Variants in CNTN6 observed in about 807,000 individuals in gnomAD.
CNTN6 encodes contactin 6.
CNTN6 carries 137 observed loss-of-function variants against 122.8 expected under a neutral mutation model. The ratio of observed to expected loss-of-function variants is 1.12; its 90% CI spans 0.97 to 1.29. CNTN6 has a LOEUF of 1.29. Among genes scored for constraint, CNTN6 ranks in the 50% most tolerant of loss-of-function variants. CNTN6 has a pLI of 0.00. For synonymous variants in CNTN6, 570 were observed against 426.0 expected (o/e 1.34, Z -4.16); for missense variants, 1,634 against 1,223.4 (o/e 1.34, Z -5.01).
intron 4 of CNTN6, among the ~76,000 whole-genome samples, chr3:1,261,830 T>G (rs1051041862): frequency 6.6e-6 from 1 of 152,150 alleles, no homozygotes; most frequent in African/African-American, 2.4e-5. Context: ...TAATTTTAAT[T>G]TAAAAGGTCA....
At chr3:1,327,653 C>G (rs758612160) in intron 10 of CNTN6, 67 bp downstream of exon 10, 28 of 1,496,858 alleles carry the variant, frequency 1.9e-5, no homozygotes, top group Non-Finnish European at 2.4e-5. Flanking sequence ...TATGCATAAT[C>G]CCAACCCAAT....
At chr3:1,108,073 C>G (rs570287100) in intron 1 of CNTN6, among the ~76,000 whole-genome samples, 1 of 151,926 alleles carries the variant, frequency 6.6e-6, no homozygotes, top group Admixed American at 6.6e-5. Flanking sequence ...ATCTACATCC[C>G]GTTTTCAATT....
rs2093227648 is a variant in CNTN6 at position 1,165,528 on chromosome 3, T to C, written c.55+17465T>C. Among the ~76,000 whole-genome samples, 3 of 152,082 alleles carry C rather than the reference T, an allele frequency of 2.0e-5. No homozygotes were observed. The South Asian group carries it at 6.2e-4, about 32-fold the overall frequency. On this transcript the variant is annotated intron_variant, in intron 2 of 22. Coordinates refer to ENST00000446702, the MANE Select transcript of CNTN6 (RefSeq NM_001289080.2). ...TCAAACTTTTTTCCTACCTTTCTTC[T>C]ATAAAGACACTTTGTGCTGGCCAAA...
chr3:1,261,888 C>T lies in CNTN6; in HGVS notation c.359-16525C>T, dbSNP rs74281507. ...TGTAAAAGTTCAGAGATAGCAGTTC[C>T]GGAATTTCACATTTTTTCCCGTATA... is the stretch of plus-strand genomic sequence containing the variant. On this transcript the variant is annotated intron_variant, in intron 4 of 22. Coordinates refer to ENST00000446702, the MANE Select transcript of CNTN6 (RefSeq NM_001289080.2). 4.0e-3 allele frequency among the ~76,000 whole-genome samples: 609 copies of T among 152,128 alleles called. 12 individuals are homozygous for T. The highest frequency in any genetic ancestry group is 0.035 in the Admixed American group (527 of 15,274).
At chr3:1,346,307 A>G (rs944632625) in intron 11 of CNTN6, among the ~76,000 whole-genome samples, 8 of 152,158 alleles carry the variant, frequency 5.3e-5, no homozygotes, top group Non-Finnish European at 8.8e-5. Context: ...ACTAAAACTC[A>G]TATTGAAATT....
rs1032659827 is a variant in CNTN6 at position 1,368,260 on chromosome 3, A to G, written c.1493-4039A>G. ...CCTTTCAATTTCTTGTACAACCTCC[A>G]CAAGTTACAGTGTATGTCAGAGGAA... On this transcript the variant is annotated intron_variant, in intron 12 of 22. Coordinates refer to ENST00000446702, the MANE Select transcript of CNTN6 (RefSeq NM_001289080.2). Among the ~76,000 whole-genome samples, 10 of 152,338 alleles carry G rather than the reference A, an allele frequency of 6.6e-5. No individual in the cohort carries two copies. The East Asian group carries it at 1.9e-3, about 29-fold the overall frequency.
At chr3:1,123,135 A>G (rs1394425713) in intron 1 of CNTN6, among the ~76,000 whole-genome samples, 1 of 151,830 alleles carries the variant, frequency 6.6e-6, no homozygotes. Context: ...GGCCCTTGCA[A>G]TTACATAGAA....
chr3:1,296,811 T>A (rs1194740872), intron 6 of CNTN6, among the ~76,000 whole-genome samples: 2 of 152,170 alleles, frequency 1.3e-5, no homozygotes, highest in African/African-American at 2.4e-5. Context: ...CCAGAAGAAT[T>A]CATGAGCCAA....
At chr3:1,361,845 A>G (rs960735362) in intron 12 of CNTN6, among the ~76,000 whole-genome samples, 3 of 152,172 alleles carry the variant, frequency 2.0e-5, no homozygotes, top group African/African-American at 7.2e-5. Context: ...AAACAAAAGC[A>G]CAGAGAGGTT....
intron 9 of CNTN6, among the ~76,000 whole-genome samples, chr3:1,326,776 T>C (rs1701601040): frequency 1.3e-5 from 2 of 151,960 alleles, no homozygotes; most frequent in South Asian, 4.1e-4. Flanking sequence ...ATTTTCTTCC[T>C]GCATGCCTTT....
chr3:1,183,475 C>G (rs1162679758), intron 2 of CNTN6, among the ~76,000 whole-genome samples: 1 of 151,172 alleles, frequency 6.6e-6, no homozygotes. Flanking sequence ...AGTTAAGTAC[C>G]AAAGTATTTC....
intron 1 of CNTN6, among the ~76,000 whole-genome samples, chr3:1,138,261 C>T (rs183248422): frequency 2.0e-5 from 3 of 152,280 alleles, no homozygotes; most frequent in African/African-American, 7.2e-5. Context: ...TTAATGCAAC[C>T]TAAGTCATGC....
At chr3:1,243,831 G>A (rs2094521913) in intron 4 of CNTN6, among the ~76,000 whole-genome samples, 1 of 152,100 alleles carries the variant, frequency 6.6e-6, no homozygotes, top group Non-Finnish European at 1.5e-5. Context: ...GCAATGAGCA[G>A]CTTGGGGAGG....
intron 1 of CNTN6, among the ~76,000 whole-genome samples, chr3:1,104,424 T>C (rs1177542103): frequency 6.6e-6 from 1 of 152,166 alleles, no homozygotes; most frequent in Non-Finnish European, 1.5e-5. Context: ...CACATGTTTA[T>C]GGAATTTCCT....
chr3:1,371,296 T>C (rs1708976095), intron 12 of CNTN6, among the ~76,000 whole-genome samples: 1 of 152,054 alleles, frequency 6.6e-6, no homozygotes, highest in Non-Finnish European at 1.5e-5. Flanking sequence ...CATGGAGAAA[T>C]AGATTCTCCA....
chr3:1,266,388 C>G (rs1039244376), intron 4 of CNTN6, among the ~76,000 whole-genome samples: 1 of 152,080 alleles, frequency 6.6e-6, no homozygotes, highest in African/African-American at 2.4e-5. Flanking sequence ...GTCACTCTCC[C>G]GAATTCCAGT....
chr3:1,186,579 G>T (rs942385911), intron 2 of CNTN6, among the ~76,000 whole-genome samples: 1 of 152,170 alleles, frequency 6.6e-6, no homozygotes, highest in African/African-American at 2.4e-5. Flanking sequence ...TTTCCTGGGA[G>T]TTAGGGCTCT....
intron 2 of CNTN6, chr3:1,173,369 C>A: frequency 2.2e-6 from 1 of 450,404 alleles, no homozygotes; most frequent in South Asian, 1.6e-5. Flanking sequence ...AGCTTTACAG[C>A]ATGTGCTCGA....
intron 2 of CNTN6, among the ~76,000 whole-genome samples, chr3:1,157,091 AT>A (rs1332270998): frequency 6.6e-6 from 1 of 151,634 alleles, no homozygotes; most frequent in Non-Finnish European, 1.5e-5. Context: ...TACATGAGAT[AT>A]TTTGATATAG....
Sources: gnomAD v4.1 joint callset for allele counts (sites outside exome capture counted in the v4.1 genomes callset) on GRCh38, gnomAD v4.1.1 for gene constraint, MANE v1.5 for transcripts, NCBI Gene and HGNC (gene_info 2026-07-23, HGNC 2026-07-21) for gene names.